The following RB1 variants were observed in gnomAD, a reference collection of about 807,000 sequenced individuals.
RB1 encodes the protein retinoblastoma-associated protein.
Under a neutral mutation model 135.4 loss-of-function variants are expected in RB1, and 18 were observed. The ratio of observed to expected loss-of-function variants is 0.13; its 90% CI spans 0.09 to 0.20. The LOEUF (loss-of-function observed/expected upper bound fraction) is 0.20, where lower values mean the gene tolerates loss of function less well. Ranked by LOEUF, RB1 falls within the 10% of genes least tolerant of loss-of-function variation. The pLI, the probability that RB1 is intolerant of heterozygous loss-of-function variation, is 1.00. For missense variants in RB1, 868 were observed against 1,110.0 expected (o/e 0.78, Z 3.10); for synonymous variants, 365 against 373.2 (o/e 0.98, Z 0.25).
In RB1 at chr13:48,411,338, C is replaced by A. The variant is rs375478050; in HGVS notation, c.1695+29895C>A. The stretch of plus-strand genomic sequence containing the variant: ...AGTTTGTCCAAAAAGACACTTTTCA[C>A]AGTTGAAGGAACTTGAAAGTTCTGT... On this transcript the variant is annotated intron_variant, in intron 17 of 26. Transcript: ENST00000267163. The A allele has an allele frequency of 6.2e-5, 88 of 1,416,832 alleles. 1 individual carries two copies. The African/African-American group carries it at 1.2e-3, about 20-fold the overall frequency. The allele number at this position is 1,416,832 out of a possible 1,614,324, so 87.8% of individuals were successfully genotyped here.
Position 48,342,168 on chromosome 13 carries a change from T to C in RB1, c.265-431T>C, listed in dbSNP as rs371751243. Among the ~76,000 whole-genome samples, 15 of 151,864 alleles carry C rather than the reference T, an allele frequency of 9.9e-5. No homozygotes were observed. The East Asian group carries it at 2.1e-3, about 21-fold the overall frequency. ...GGTTAAAAATAATTGAATAAATAAA[T>C]TGATAAAAGGAATGAATGAATAGAG... is the stretch of plus-strand genomic sequence containing the variant. On this transcript the variant is annotated intron_variant, in intron 2 of 26. Coordinates refer to ENST00000267163, the MANE Select transcript of RB1 (RefSeq NM_000321.3).
chr13:48,445,469 T>TCATTTTCTGAA (rs1377688481), intron 17 of RB1, among the ~76,000 whole-genome samples: 28 of 152,360 alleles, frequency 1.8e-4, no homozygotes, highest in African/African-American at 6.7e-4. Flanking sequence ...CCGGGTACTT[T>TCATTTTCTGAA]AGTTCTGGTG....
intron 17 of RB1, among the ~76,000 whole-genome samples, chr13:48,432,832 T>G (rs1239242663): frequency 6.6e-6 from 1 of 152,114 alleles, no homozygotes; most frequent in Non-Finnish European, 1.5e-5. Flanking sequence ...TGAAAAGCAA[T>G]TATAAGAGAC....
At chr13:48,346,121 T>A (rs9535019) in intron 4 of RB1, among the ~76,000 whole-genome samples, 1 of 107,572 alleles carries the variant, frequency 9.3e-6, no homozygotes, top group Non-Finnish European at 2.1e-5. Context: ...TTTTTTTTGG[T>A]CTTTTCTTGA....
chr13:48,331,219 A>T (rs1427442187), intron 2 of RB1, among the ~76,000 whole-genome samples: 1 of 152,238 alleles, frequency 6.6e-6, no homozygotes, highest in Non-Finnish European at 1.5e-5. Flanking sequence ...TAAGATCAGG[A>T]TCAAGACAAG....
chr13:48,346,087 A>G lies in RB1; in HGVS notation c.500+888A>G, dbSNP rs190392964. 5.9e-3 allele frequency among the ~76,000 whole-genome samples: 822 copies of G among 138,230 alleles called. 6 individuals are homozygous for G. The highest frequency in any genetic ancestry group is 0.011 in the Middle Eastern group (3 of 264). The allele number at this position is 138,230 out of a possible 152,430, so 90.7% of individuals were successfully genotyped here. On this transcript the variant is annotated intron_variant, in intron 4 of 26. Coordinates refer to ENST00000267163, the MANE Select transcript of RB1 (RefSeq NM_000321.3). ...CCCCTGGTTTTAATTGTAATATGGTAGCATTGGCCATCTTTTTTTTTTTTT... is the reference window on the plus strand; with the variant it reads ...CCCCTGGTTTTAATTGTAATATGGTGGCATTGGCCATCTTTTTTTTTTTTT...
chr13:48,370,591 G>T (rs192524615), intron 11 of RB1, among the ~76,000 whole-genome samples: 15 of 152,288 alleles, frequency 9.8e-5, no homozygotes, highest in African/African-American at 3.6e-4. Flanking sequence ...TATTACAAAG[G>T]ATGCAGATGT....
At chr13:48,345,248 G>T (rs766970080) in intron 4 of RB1, 49 bp downstream of exon 4, 1 of 1,572,062 alleles carries the variant, frequency 6.4e-7, no homozygotes. Context: ...TTATGTCATT[G>T]TTCACAATTA....
chr13:48,321,763 G>A (rs1371414023), intron 2 of RB1, among the ~76,000 whole-genome samples: 1 of 152,148 alleles, frequency 6.6e-6, no homozygotes, highest in African/African-American at 2.4e-5. Flanking sequence ...GACTGAGGCA[G>A]GAGAATGACA....
chr13:48,337,665 T>G (rs1952397452), intron 2 of RB1, among the ~76,000 whole-genome samples: 1 of 152,166 alleles, frequency 6.6e-6, no homozygotes, highest in African/African-American at 2.4e-5. Context: ...AATTGGAGCA[T>G]TTAGCCCATT....
chr13:48,317,539 G>A, intron 2 of RB1: 1 of 439,300 alleles, frequency 2.3e-6, no homozygotes, highest in Non-Finnish European at 4.2e-6. Flanking sequence ...GGTGCCCGCT[G>A]TGGCACTGCT....
At position 48,309,235 on chromosome 13, in the gene RB1, A is replaced by G. The variant is rs9316372; in HGVS notation, c.264+1829A>G. ...TTTATGACTCTTGATGATTATTGCT[A>G]GATTACACTTCAGACAGATACTTTT... On this transcript the variant is annotated intron_variant, in intron 2 of 26. Transcript: ENST00000267163. Among the ~76,000 whole-genome samples the G allele has an allele frequency of 4.9e-3, 742 of 152,322 alleles. 6 individuals carry two copies. Among genetic ancestry groups the G allele is most frequent in the African/African-American group, 0.017 (714 of 41,586 alleles).
At chr13:48,320,429 A>G (rs1952224501) in intron 2 of RB1, 3 of 1,061,520 alleles carry the variant, frequency 2.8e-6, no homozygotes, top group South Asian at 1.3e-5. Context: ...AAGGCCTCCC[A>G]TTTGGACTGG....
intron 23 of RB1, among the ~76,000 whole-genome samples, chr13:48,472,355 T>C (rs2138353218): frequency 6.6e-6 from 1 of 152,328 alleles, no homozygotes; most frequent in South Asian, 2.1e-4. Flanking sequence ...AATGCTCTCA[T>C]GTGTCTCTGT....
intron 2 of RB1, among the ~76,000 whole-genome samples, chr13:48,313,340 G>C (rs2138042831): frequency 6.6e-6 from 1 of 150,880 alleles, no homozygotes; most frequent in Non-Finnish European, 1.5e-5. Context: ...TGCAGCGTAG[G>C]ATTTTAATTT....
intron 17 of RB1, among the ~76,000 whole-genome samples, chr13:48,420,823 C>T (rs558561852): frequency 7.9e-5 from 12 of 152,096 alleles, no homozygotes; most frequent in Non-Finnish European, 1.8e-4. Flanking sequence ...AGGCATACAA[C>T]ACACAAGGGA....
chr13:48,457,196 T>G (rs895791142), intron 19 of RB1, among the ~76,000 whole-genome samples: 1 of 152,162 alleles, frequency 6.6e-6, no homozygotes, highest in Non-Finnish European at 1.5e-5. Flanking sequence ...CTCCTCTCTG[T>G]AACCACAAAG....
chr13:48,459,886 A>ATTTCTTTCTTTTCTTTCT lies in RB1; in HGVS notation c.2106+55_2106+56insTCTTTCTTTTCTTTCTTT, dbSNP rs11405303. On this transcript the variant is annotated intron_variant, in intron 20 of 26. Transcript: ENST00000267163. ...CTCCTCCCTACTTACTTGTTAACTG[A>ATTTCTTTCTTTTCTTTCT]TTCTTTCTTTCTTTCTTTCTTTCTT... 7.2e-5 allele frequency: 73 copies of ATTTCTTTCTTTTCTTTCT among 1,007,094 alleles called. 8 individuals carry two copies. The African/African-American group carries it at 1.6e-3, about 22-fold the overall frequency. 62.4% of individuals were successfully genotyped at this position (1,007,094 alleles called of 1,614,324 possible).
rs564777622 is a variant in RB1, at chr13:48,339,236, G to C, written c.265-3363G>C. Among the ~76,000 whole-genome samples the C allele has an allele frequency of 2.6e-3, 394 of 152,302 alleles. 1 individual carries two copies. The highest frequency in any genetic ancestry group is 9.0e-3 in the African/African-American group (375 of 41,562). ...GACATTTAAGTCTGCAGAGGTTTCT[G>C]CTGCCTTTTGTTCGGCTATGCCCTG... On this transcript the variant is annotated intron_variant, in intron 2 of 26. Transcript: ENST00000267163.
Sources: allele counts gnomAD v4.1 joint callset (sites outside exome capture counted in the v4.1 genomes callset), GRCh38; gene constraint gnomAD v4.1.1; transcripts MANE v1.5; gene names NCBI Gene and HGNC (gene_info 2026-07-23, HGNC 2026-07-21).